The following TENT2 variants were observed in gnomAD, a reference collection of about 807,000 sequenced individuals.
The protein encoded by TENT2 is poly(A) RNA polymerase GLD2.
Under a neutral mutation model 72.2 loss-of-function variants are expected in TENT2, and 44 were observed. The observed-to-expected ratio is 0.61, with a 90% CI of 0.48 to 0.78. The LOEUF (loss-of-function observed/expected upper bound fraction) is 0.78. TENT2 is among the 30% of genes least tolerant of loss of function. The pLI, the probability that TENT2 is intolerant of heterozygous loss-of-function variation, is 0.00. For missense variants in TENT2, 541 were observed against 569.6 expected, an observed-to-expected ratio of 0.95 and a Z score of 0.51; for synonymous variants, 212 against 192.5, an observed-to-expected ratio of 1.10 and a Z score of -0.84.
chr5:79,626,218 C>T (rs1287601763), intron 4 of TENT2, among the ~76,000 whole-genome samples: 1 of 151,924 alleles, frequency 6.6e-6, no homozygotes, highest in Non-Finnish European at 1.5e-5. Flanking sequence ...TCATTGCAGC[C>T]TTAAACTCAT....
intron 4 of TENT2, among the ~76,000 whole-genome samples, chr5:79,625,014 G>A (rs1356663478): frequency 2.6e-5 from 4 of 152,198 alleles, no homozygotes; most frequent in African/African-American, 9.7e-5. Flanking sequence ...CCTATCAACA[G>A]CGTATAGGTT....
chr5:79,650,699 C>T (rs7717872), intron 10 of TENT2, among the ~76,000 whole-genome samples: 30,820 of 151,798 alleles, frequency 0.2, 4,616 homozygotes, highest in African/African-American at 0.42. Flanking sequence ...AAGAAGAAGG[C>T]ACCTTTCCTT....
chr5:79,675,512 G>T (rs567074190), intron 12 of TENT2, among the ~76,000 whole-genome samples: 2 of 152,140 alleles, frequency 1.3e-5, no homozygotes, highest in African/African-American at 4.8e-5. Flanking sequence ...AGTACGGTTG[G>T]GGGTAGTAAC....
intron 10 of TENT2, among the ~76,000 whole-genome samples, chr5:79,655,875 A>G (rs1343611975): frequency 6.6e-6 from 1 of 151,954 alleles, no homozygotes; most frequent in African/African-American, 2.4e-5. Context: ...TAAATAAAGC[A>G]TCCTACTTTG....
intron 8 of TENT2, among the ~76,000 whole-genome samples, chr5:79,646,612 C>T (rs1789230713): frequency 6.6e-6 from 1 of 151,914 alleles, no homozygotes; most frequent in Non-Finnish European, 1.5e-5. Context: ...TCAGATTTTC[C>T]TAAAGCAGAT....
At chr5:79,622,047 T>A (rs980950621) in intron 3 of TENT2, among the ~76,000 whole-genome samples, 1 of 152,056 alleles carries the variant, frequency 6.6e-6, no homozygotes, top group Non-Finnish European at 1.5e-5. Context: ...ATGCCTGTAA[T>A]CCCAGCACTT....
intron 10 of TENT2, among the ~76,000 whole-genome samples, chr5:79,652,383 CTG>C (rs1010774134): frequency 3.3e-5 from 5 of 151,648 alleles, no homozygotes; most frequent in Admixed American, 2.6e-4. Flanking sequence ...AAGATAATAA[CTG>C]TGTATATATA....
intron 5 of TENT2, 59 bp downstream of exon 5, chr5:79,641,024 C>CT (rs879363444): frequency 0.044 from 46,796 of 1,058,066 alleles, no homozygotes; most frequent in South Asian, 0.048. Flanking sequence ...TAAATTTTAT[C>CT]TTTTTTTTTT....
chr5:79,655,846 G>A (rs762579029), intron 10 of TENT2, among the ~76,000 whole-genome samples: 6 of 151,666 alleles, frequency 4.0e-5, no homozygotes, highest in Non-Finnish European at 7.4e-5. Context: ...GGGATGAAAT[G>A]TGATACATAA....
chr5:79,673,354 A>G (rs1216267826), intron 12 of TENT2, among the ~76,000 whole-genome samples: 1 of 152,180 alleles, frequency 6.6e-6, no homozygotes, highest in African/African-American at 2.4e-5. Flanking sequence ...GTATTACTTA[A>G]GAAACCTTTG....
chr5:79,670,693 G>T (rs762070448), intron 12 of TENT2, among the ~76,000 whole-genome samples: 1 of 151,488 alleles, frequency 6.6e-6, no homozygotes, highest in Non-Finnish European at 1.5e-5. Flanking sequence ...TAAATAGACT[G>T]TGAAGGTTTA....
rs771366191 is a variant in TENT2, at chr5:79,648,601, A to T, written c.822-16A>T. 4 of 1,483,990 alleles carry T rather than the reference A, an allele frequency of 2.7e-6. No homozygotes were observed. Among genetic ancestry groups the T allele is most frequent in the Admixed American group, 2.1e-5 (1 of 47,154 alleles). The allele number at this position is 1,483,990 out of a possible 1,614,324, so 91.9% of individuals were successfully genotyped here. On this transcript the variant is annotated splice_polypyrimidine_tract_variant and intron_variant, in intron 8 of 14. Transcript: ENST00000453514. ...TCAGCTAAAGTTTATTTATTTATTT[A>T]TTTTTTCTTAAATAGTTGTGTGGAG...
chr5:79,667,921 T>C (rs1378059181), intron 11 of TENT2, among the ~76,000 whole-genome samples: 1 of 151,422 alleles, frequency 6.6e-6, no homozygotes, highest in Non-Finnish European at 1.5e-5. Context: ...TCTGCTGCCT[T>C]AACTAATTGC....
chr5:79,674,686 C>T (rs528380999), intron 12 of TENT2, among the ~76,000 whole-genome samples: 39 of 152,256 alleles, frequency 2.6e-4, no homozygotes, highest in Non-Finnish European at 2.8e-4. Context: ...AAAATGTTAA[C>T]ACTTGTTGAA....
chr5:79,642,039 C>T (rs986861638), intron 6 of TENT2, among the ~76,000 whole-genome samples: 5 of 151,974 alleles, frequency 3.3e-5, no homozygotes, highest in East Asian at 1.9e-4. Context: ...ATTCATTAAG[C>T]TGACTTGAGG....
intron 4 of TENT2, among the ~76,000 whole-genome samples, chr5:79,629,935 AC>A (rs1773837163): frequency 6.7e-6 from 1 of 150,058 alleles, no homozygotes. Context: ...GGAGTTCGAG[AC>A]CAGCCTGACC....
At chr5:79,668,296 T>A (rs1810114530) in intron 11 of TENT2, among the ~76,000 whole-genome samples, 1 of 152,134 alleles carries the variant, frequency 6.6e-6, no homozygotes, top group South Asian at 2.1e-4. Context: ...CCTGTCTCAT[T>A]TTCCCTGCCT....
intron 4 of TENT2, among the ~76,000 whole-genome samples, chr5:79,631,742 T>C (rs542825352): frequency 6.6e-5 from 10 of 152,296 alleles, no homozygotes; most frequent in Middle Eastern, 3.4e-3. Flanking sequence ...GGAAGATTCA[T>C]AGAGAGGAAA....
Position 79,649,083 on chromosome 5 carries a change from T to G in TENT2, c.920T>G (p.Leu307Ter). 1 of 1,613,414 alleles carries G rather than the reference T, an allele frequency of 6.2e-7. No homozygotes were observed. Among genetic ancestry groups the G allele is most frequent in the Non-Finnish European group, 8.5e-7 (1 of 1,179,604 alleles). The change falls in exon 10 of 15, where the codon TTA (leucine) becomes TGA (stop). Residue 307 changes from leucine to a stop codon, truncating the protein, a stop_gained. Transcript: ENST00000453514. LOFTEE classifies it high-confidence loss of function. Reference sequence around the variant, plus strand: ...TCAGTTGAAAATCGAGTTCGTCCGTTAGTGCTGGTGATTAAGAAGTGGGCA... The same window carrying G: ...TCAGTTGAAAATCGAGTTCGTCCGTGAGTGCTGGTGATTAAGAAGTGGGCA... ...YAYLENRVRP[L>*]VLVIKKWASH...
Sources: gnomAD v4.1 joint callset for allele counts (sites outside exome capture counted in the v4.1 genomes callset) on GRCh38, gnomAD v4.1.1 for gene constraint, MANE v1.5 for transcripts, NCBI Gene and HGNC (gene_info 2026-07-23, HGNC 2026-07-21) for gene names.